The following ROBO1 variants were observed in gnomAD, a reference collection of about 807,000 sequenced individuals.
ROBO1 encodes the protein roundabout guidance receptor 1, also known as roundabout homolog 1.
Under a neutral mutation model 195.9 loss-of-function variants are expected in ROBO1, and 149 were observed. The ratio of observed to expected loss-of-function variants is 0.76; its 90% CI spans 0.67 to 0.87. ROBO1 has a LOEUF of 0.87. ROBO1 is among the 40% of genes least tolerant of loss of function. The pLI, the probability that ROBO1 is intolerant of heterozygous loss-of-function variation, is 0.00. For synonymous variants in ROBO1, 816 were observed against 733.2 expected, an observed-to-expected ratio of 1.11 and a Z score of -1.82; for missense variants, 1,933 against 2,068.3, an observed-to-expected ratio of 0.93 and a Z score of 1.27.
At chr3:78,910,947 T>TG (rs1249421372) in intron 4 of ROBO1, among the ~76,000 whole-genome samples, 1 of 151,988 alleles carries the variant, frequency 6.6e-6, no homozygotes, top group Non-Finnish European at 1.5e-5. Flanking sequence ...TCAGAAGATC[T>TG]GGGAGTGAGG....
At chr3:78,813,214 T>C (rs2084795686) in intron 4 of ROBO1, among the ~76,000 whole-genome samples, 1 of 149,432 alleles carries the variant, frequency 6.7e-6, no homozygotes, top group Admixed American at 6.7e-5. Context: ...ATTCCACATA[T>C]TACTCATTTA....
chr3:78,760,504 G>A lies in ROBO1; in HGVS notation c.500-13604C>T, dbSNP rs182648443. Among the ~76,000 whole-genome samples, 364 of 152,234 alleles carry A rather than the reference G, an allele frequency of 2.4e-3. 2 individuals carry two copies. Among genetic ancestry groups the A allele is most frequent in the African/African-American group, 8.0e-3 (332 of 41,534 alleles). On this transcript the variant is annotated intron_variant, in intron 4 of 30. Coordinates refer to ENST00000464233, the MANE Select transcript of ROBO1 (RefSeq NM_002941.4). ...CAGCCTCCAAAAATTTGGCAGCTCAGCTCTATTATAATGGGAGCTACAACA... is the reference window on the plus strand; with the variant it reads ...CAGCCTCCAAAAATTTGGCAGCTCAACTCTATTATAATGGGAGCTACAACA...
At chr3:79,179,104 T>C (rs983013059) in intron 2 of ROBO1, among the ~76,000 whole-genome samples, 1 of 152,154 alleles carries the variant, frequency 6.6e-6, no homozygotes, top group Admixed American at 6.5e-5. Context: ...GGCTTTTCCC[T>C]CAAACGATGT....
chr3:78,758,845 A>C (rs570767944), intron 4 of ROBO1: 3 of 152,276 alleles, frequency 2.0e-5, no homozygotes, highest in African/African-American at 7.2e-5. Context: ...AATCAACAAG[A>C]TGGCTAACCC....
At chr3:79,749,146 T>G (rs1468962560) in intron 1 of ROBO1, among the ~76,000 whole-genome samples, 4 of 152,100 alleles carry the variant, frequency 2.6e-5, no homozygotes, top group Non-Finnish European at 5.9e-5. Flanking sequence ...CAGATGGAGA[T>G]GAGGATCTTG....
chr3:79,712,816 T>TAG (rs2107238866), intron 1 of ROBO1, among the ~76,000 whole-genome samples: 1 of 152,176 alleles, frequency 6.6e-6, no homozygotes, highest in East Asian at 1.9e-4. Flanking sequence ...TGCTTACCGT[T>TAG]CCAAAAATCC....
At chr3:78,799,373 G>A (rs1190491435) in intron 4 of ROBO1, among the ~76,000 whole-genome samples, 4 of 151,204 alleles carry the variant, frequency 2.6e-5, no homozygotes, top group Non-Finnish European at 4.4e-5. Context: ...ACGGAGTCTC[G>A]CTCTGTCGCC....
At chr3:78,833,154 A>G (rs1230297282) in intron 4 of ROBO1, among the ~76,000 whole-genome samples, 1 of 152,102 alleles carries the variant, frequency 6.6e-6, no homozygotes, top group African/African-American at 2.4e-5. Flanking sequence ...CAGTGAAGGC[A>G]CTGTTAGAAT....
At chr3:78,630,419 T>C (rs1705111071) in intron 25 of ROBO1, among the ~76,000 whole-genome samples, 1 of 152,230 alleles carries the variant, frequency 6.6e-6, no homozygotes, top group African/African-American at 2.4e-5. Flanking sequence ...AGGCTTTGTT[T>C]CTGGGCATAG....
At chr3:79,678,335 T>C (rs1413841243) in intron 1 of ROBO1, among the ~76,000 whole-genome samples, 1 of 151,988 alleles carries the variant, frequency 6.6e-6, no homozygotes, top group Admixed American at 6.6e-5. Context: ...GTTGTATGCA[T>C]AAAAATGTCA....
chr3:79,704,940 A>C (rs1323647074), intron 1 of ROBO1, among the ~76,000 whole-genome samples: 1 of 151,948 alleles, frequency 6.6e-6, no homozygotes, highest in African/African-American at 2.4e-5. Flanking sequence ...GACATATGAT[A>C]TGGAGCTTCT....
chr3:78,613,318 A>T (rs1163108134), intron 28 of ROBO1, among the ~76,000 whole-genome samples: 1 of 152,164 alleles, frequency 6.6e-6, no homozygotes. Context: ...TCTCTTCTAG[A>T]TAATAAAATT....
rs544999672 is a variant in ROBO1, at chr3:79,451,074, T to A, written c.88+138750A>T. On this transcript the variant is annotated intron_variant, in intron 2 of 30. Coordinates refer to ENST00000464233, the MANE Select transcript of ROBO1 (RefSeq NM_002941.4). The stretch of plus-strand genomic sequence containing the variant: ...TTTTTCAATTCTTGTCTTTTTAGAT[T>A]ATTACTACACTTTATATGACATATT... 2.7e-3 allele frequency among the ~76,000 whole-genome samples: 414 copies of A among 152,158 alleles called. 2 individuals are homozygous for A. Among genetic ancestry groups the A allele is most frequent in the African/African-American group, 8.7e-3 (360 of 41,554 alleles).
In ROBO1 at chr3:79,570,591, A is replaced by C. The variant is rs189338582; in HGVS notation, c.88+19233T>G. On this transcript the variant is annotated intron_variant, in intron 2 of 30. Transcript: ENST00000464233. ...TAATTAAAATATAAAAATTATTATA[A>C]ATTGTAAAAATGTCATAGTAGAAAG... Among the ~76,000 whole-genome samples the C allele has an allele frequency of 7.3e-4, 111 of 152,276 alleles. No homozygotes were observed. The Middle Eastern group carries it at 0.01, about 14-fold the overall frequency.
intron 2 of ROBO1, among the ~76,000 whole-genome samples, chr3:79,448,127 G>C (rs1304882136): frequency 6.6e-6 from 1 of 152,130 alleles, no homozygotes; most frequent in Non-Finnish European, 1.5e-5. Flanking sequence ...AAATCTTAAA[G>C]ATAACTATAT....
At chr3:79,345,177 G>C (rs1380393141) in intron 2 of ROBO1, among the ~76,000 whole-genome samples, 2 of 151,944 alleles carry the variant, frequency 1.3e-5, no homozygotes, top group Non-Finnish European at 2.9e-5. Flanking sequence ...CTTTCAACTG[G>C]GTACATTTCA....
intron 3 of ROBO1, among the ~76,000 whole-genome samples, chr3:78,994,499 G>A (rs1047152259): frequency 1.3e-5 from 2 of 152,138 alleles, no homozygotes; most frequent in Non-Finnish European, 2.9e-5. Context: ...CAAAGGGCAT[G>A]ACATTCAGGG....
chr3:79,036,461 T>C (rs1390795632), intron 3 of ROBO1, among the ~76,000 whole-genome samples: 1 of 152,190 alleles, frequency 6.6e-6, no homozygotes. Context: ...CTGCCTTTCA[T>C]ATATAAACAT....
At chr3:78,844,563 T>C (rs147938400) in intron 4 of ROBO1, among the ~76,000 whole-genome samples, 42 of 152,216 alleles carry the variant, frequency 2.8e-4, no homozygotes, top group Admixed American at 2.0e-4. Context: ...AAAAGATTTA[T>C]GAGCAAAGGG....
Sources: gnomAD v4.1 joint callset for allele counts (sites outside exome capture counted in the v4.1 genomes callset) on GRCh38, gnomAD v4.1.1 for gene constraint, MANE v1.5 for transcripts, NCBI Gene and HGNC (gene_info 2026-07-23, HGNC 2026-07-21) for gene names.